MTHFD1L: variants seen among roughly 807,000 people sequenced by gnomAD.
MTHFD1L encodes the protein methylenetetrahydrofolate dehydrogenase (NADP+ dependent) 1 like, also known as monofunctional C1-tetrahydrofolate synthase, mitochondrial.
MTHFD1L carries 81 observed loss-of-function variants against 119.5 expected under a neutral mutation model. The observed-to-expected ratio is 0.68, with a 90% CI of 0.57 to 0.82. The LOEUF is 0.82. MTHFD1L is among the 40% of genes least tolerant of loss of function. The pLI, the probability that MTHFD1L is intolerant of heterozygous loss-of-function variation, is 0.00. For synonymous variants in MTHFD1L, 430 were observed against 475.2 expected, an observed-to-expected ratio of 0.90 and a Z score of 1.24; for missense variants, 1,125 against 1,253.4, an observed-to-expected ratio of 0.90 and a Z score of 1.55.
At chr6:151,020,751 C>A (rs371682811) in intron 24 of MTHFD1L, among the ~76,000 whole-genome samples, 2 of 152,314 alleles carry the variant, frequency 1.3e-5, no homozygotes, top group East Asian at 1.9e-4. Flanking sequence ...CCCTCAAGAT[C>A]ATCTTCTCTT....
At chr6:150,948,652 G>GTTTT (rs201675656) in intron 15 of MTHFD1L, among the ~76,000 whole-genome samples, 40,803 of 148,602 alleles carry the variant, frequency 0.27, 6,676 homozygotes, top group East Asian at 0.46. Context: ...GTTTTGTTTT[G>GTTTT]TTTTTGAGAT....
intron 1 of MTHFD1L, chr6:150,866,381 C>T (rs888377541): frequency 7.1e-7 from 1 of 1,402,948 alleles, no homozygotes; most frequent in Admixed American, 3.2e-5. Context: ...CGGGCGCGAC[C>T]CAGACGGTAA....
intron 7 of MTHFD1L, among the ~76,000 whole-genome samples, chr6:150,904,343 G>A (rs939403720): frequency 6.6e-5 from 10 of 152,088 alleles, no homozygotes; most frequent in African/African-American, 1.7e-4. Flanking sequence ...ATCAAAATAC[G>A]CAGGAAAGAC....
At chr6:150,968,094 A>T (rs774273625) in intron 19 of MTHFD1L, among the ~76,000 whole-genome samples, 1 of 151,914 alleles carries the variant, frequency 6.6e-6, no homozygotes, top group African/African-American at 2.4e-5. Context: ...TTCTCATGTC[A>T]TGTAAGCATC....
intron 8 of MTHFD1L, among the ~76,000 whole-genome samples, chr6:150,912,439 C>CT (rs1787075951): frequency 1.3e-5 from 2 of 151,954 alleles, no homozygotes; most frequent in African/African-American, 2.4e-5. Flanking sequence ...TTGGAGAATG[C>CT]TTTTTTGATA....
At chr6:150,878,905 A>G (rs1443294834) in intron 4 of MTHFD1L, among the ~76,000 whole-genome samples, 1 of 152,112 alleles carries the variant, frequency 6.6e-6, no homozygotes, top group Non-Finnish European at 1.5e-5. Context: ...GGCTCAGGTA[A>G]AGTTCGTTGT....
At chr6:150,962,174 G>A (rs2129001212) in intron 18 of MTHFD1L, among the ~76,000 whole-genome samples, 1 of 152,118 alleles carries the variant, frequency 6.6e-6, no homozygotes, top group East Asian at 1.9e-4. Flanking sequence ...ATTTTTAGTA[G>A]AGATGGGGTT....
intron 11 of MTHFD1L, among the ~76,000 whole-genome samples, chr6:150,929,540 T>A (rs573208521): frequency 6.6e-6 from 1 of 152,214 alleles, no homozygotes; most frequent in Non-Finnish European, 1.5e-5. Flanking sequence ...AAAGCTGTGA[T>A]GATACTGTTT....
chr6:150,881,314 G>C (rs1411756265), intron 4 of MTHFD1L, among the ~76,000 whole-genome samples: 2 of 152,142 alleles, frequency 1.3e-5, no homozygotes, highest in African/African-American at 4.8e-5. Context: ...TGGATATCCA[G>C]TTTTCCCAGT....
rs187299917 is a variant in MTHFD1L at position 151,015,484 on chromosome 6, A to G, written c.2409-32A>G. On this transcript the variant is annotated intron_variant, in intron 23 of 27. Coordinates refer to ENST00000367321, the MANE Select transcript of MTHFD1L (RefSeq NM_015440.5). ...TTTGAAAACATAGCTAAATGGATACAGATGCAAAACCACAAACATTTTCTT... is the reference window on the plus strand; with the variant it reads ...TTTGAAAACATAGCTAAATGGATACGGATGCAAAACCACAAACATTTTCTT... 880 of 1,584,072 alleles carry G rather than the reference A, an allele frequency of 5.6e-4. 6 individuals carry two copies. Among genetic ancestry groups the G allele is most frequent in the Non-Finnish European group, 5.7e-5 (67 of 1,165,386 alleles).
chr6:150,892,994 A>G (rs1171972143), intron 7 of MTHFD1L, among the ~76,000 whole-genome samples: 1 of 152,202 alleles, frequency 6.6e-6, no homozygotes, highest in African/African-American at 2.4e-5. Context: ...CAATCAGGAC[A>G]GGACACCTGG....
intron 20 of MTHFD1L, among the ~76,000 whole-genome samples, chr6:151,004,120 A>G (rs973538900): frequency 2.0e-5 from 3 of 151,906 alleles, no homozygotes; most frequent in Non-Finnish European, 2.9e-5. Flanking sequence ...AGACGGGCAG[A>G]TCATTTGAGG....
chr6:151,055,268 A>C, intron 26 of MTHFD1L, among the ~76,000 whole-genome samples: 1 of 128,724 alleles, frequency 7.8e-6, no homozygotes, highest in South Asian at 2.2e-4. Context: ...CGTCTCAAGG[A>C]AAAAAAAAAA....
chr6:151,085,077 T>C (rs1242207062), intron 26 of MTHFD1L, among the ~76,000 whole-genome samples: 1 of 149,734 alleles, frequency 6.7e-6, no homozygotes, highest in Non-Finnish European at 1.5e-5. Context: ...GAATCAAAAA[T>C]TACCTGTGAG....
chr6:151,015,048 C>T lies in MTHFD1L; in HGVS notation c.2408+68C>T. On this transcript the variant is annotated intron_variant, in intron 23 of 27. Coordinates refer to ENST00000367321, the MANE Select transcript of MTHFD1L (RefSeq NM_015440.5). ...GCCACCCTGTGAACGATATTTGTGT[C>T]TTGGGGTATTTGGTCTTTCTGTGCT... 3.1e-6 allele frequency: 4 copies of T among 1,304,574 alleles called. No homozygotes were observed. The South Asian group carries it at 5.0e-5, about 16-fold the overall frequency. The allele number at this position is 1,304,574 out of a possible 1,614,324, so 80.8% of individuals were successfully genotyped here.
intron 7 of MTHFD1L, among the ~76,000 whole-genome samples, chr6:150,891,929 A>G (rs1332075960): frequency 6.6e-6 from 1 of 152,216 alleles, no homozygotes; most frequent in East Asian, 1.9e-4. Context: ...GGAAATGAGG[A>G]GTAAATTGTA....
Position 151,015,500 on chromosome 6 carries a change from A to G in MTHFD1L, c.2409-16A>G, listed in dbSNP as rs1185164991. 1 of 1,593,672 alleles carries G rather than the reference A, an allele frequency of 6.3e-7. No individual in the cohort carries two copies. The highest frequency in any genetic ancestry group is 1.8e-5 in the Admixed American group (1 of 55,776). ...AATGGATACAGATGCAAAACCACAA[A>G]CATTTTCTTCACTAGGACCGACACC... On this transcript the variant is annotated splice_polypyrimidine_tract_variant and intron_variant, in intron 23 of 27. Coordinates refer to ENST00000367321, the MANE Select transcript of MTHFD1L (RefSeq NM_015440.5).
At chr6:150,938,353 A>G (rs1311687954) in intron 12 of MTHFD1L, among the ~76,000 whole-genome samples, 2 of 152,230 alleles carry the variant, frequency 1.3e-5, no homozygotes, top group African/African-American at 4.8e-5. Context: ...TTGCTCAGAT[A>G]TGAAATCATA....
chr6:150,882,699 T>A (rs924783385), intron 4 of MTHFD1L, 63 bp from the exon 5 acceptor site: 6 of 1,214,468 alleles, frequency 4.9e-6, no homozygotes, highest in Middle Eastern at 2.0e-4. Context: ...ATATAAAGCT[T>A]CCTTTGTTGG....
Sources: allele counts gnomAD v4.1 joint callset (sites outside exome capture counted in the v4.1 genomes callset), GRCh38; gene constraint gnomAD v4.1.1; transcripts MANE v1.5; gene names NCBI Gene and HGNC (gene_info 2026-07-23, HGNC 2026-07-21).